The following GPA33 variants were observed in gnomAD, a reference collection of about 807,000 sequenced individuals.
GPA33 encodes the protein glycoprotein A33, also known as cell surface A33 antigen.
Under a neutral mutation model 35.6 loss-of-function variants are expected in GPA33, and 27 were observed. That is an observed-to-expected ratio of 0.76 (90% CI 0.56 to 1.04). The LOEUF is 1.04. GPA33 is among the 50% of genes least tolerant of loss of function. GPA33 has a pLI of 0.00. For missense variants in GPA33, 428 were observed against 411.9 expected (o/e 1.04, Z -0.34); for synonymous variants, 176 against 164.0 (o/e 1.07, Z -0.56).
rs1408021467 is a variant in GPA33 at position 167,053,239 on chromosome 1, G to A, written c.*1095C>T. 6.6e-6 allele frequency: 1 copy of A among 152,260 alleles called. No homozygotes were observed. The highest frequency in any genetic ancestry group is 2.4e-5 in the African/African-American group (1 of 41,464). The allele number at this position is 152,260 out of a possible 1,614,324, so 9.4% of individuals were successfully genotyped here. ...GGAGACATGCCAATTATTCTGGCCT[G>A]GAGAGGAATTACCAGGACACAAGAA... On this transcript the variant is annotated 3_prime_UTR_variant, in exon 7 of 7. Transcript: ENST00000367868.
intron 1 of GPA33, among the ~76,000 whole-genome samples, chr1:167,080,291 A>G (rs983261597): frequency 9.2e-5 from 14 of 152,226 alleles, no homozygotes; most frequent in African/African-American, 3.1e-4. Context: ...TAATGTATCA[A>G]TGTGTTAACC....
intron 1 of GPA33, among the ~76,000 whole-genome samples, chr1:167,081,754 G>C (rs1666954525): frequency 6.6e-6 from 1 of 152,168 alleles, no homozygotes; most frequent in Non-Finnish European, 1.5e-5. Context: ...GTTGATATGG[G>C]CTGTGCATCA....
chr1:167,067,293 T>C (rs1163903003), intron 3 of GPA33, among the ~76,000 whole-genome samples: 1 of 151,508 alleles, frequency 6.6e-6, no homozygotes, highest in Non-Finnish European at 1.5e-5. Context: ...TATTTATTTA[T>C]TTATTTATTT....
intron 1 of GPA33, among the ~76,000 whole-genome samples, chr1:167,077,988 G>C (rs1224868092): frequency 6.6e-6 from 1 of 152,212 alleles, no homozygotes; most frequent in Non-Finnish European, 1.5e-5. Context: ...AGAGCTGCTG[G>C]CAAGTCCTTC....
At chr1:167,063,103 G>A (rs968144235) in intron 4 of GPA33, among the ~76,000 whole-genome samples, 2 of 152,220 alleles carry the variant, frequency 1.3e-5, no homozygotes, top group Non-Finnish European at 1.5e-5. Context: ...TTTGTTTCTT[G>A]CCAGAACCTA....
At chr1:167,056,595 GTATGTGGTGTGTGTA>G (rs1666265616) in intron 4 of GPA33, among the ~76,000 whole-genome samples, 1 of 38,620 alleles carries the variant, frequency 2.6e-5, no homozygotes. Context: ...TGGTATGTGT[GTATGTGGTGTGTGTA>G]GTGTGTGTGG....
At chr1:167,085,929 G>A (rs1667038511) in intron 1 of GPA33, among the ~76,000 whole-genome samples, 1 of 152,204 alleles carries the variant, frequency 6.6e-6, no homozygotes, top group Non-Finnish European at 1.5e-5. Context: ...TCTGGATTCT[G>A]ACTCAGAAGG....
rs1271727118 is a variant in GPA33, at chr1:167,090,332, C to G, written c.-45G>C. ...CCTAAACCTAACCTGTCACTGGCAG[C>G]CTCCAGACAGGTCTGAGCTGTCTGG... On this transcript the variant is annotated 5_prime_UTR_variant, in exon 1 of 7. Transcript: ENST00000367868. The G allele has an allele frequency of 6.5e-7, 1 of 1,540,414 alleles. No homozygotes were observed. The highest frequency in any genetic ancestry group is 1.7e-5 in the Admixed American group (1 of 59,784).
At chr1:167,079,484 CAAA>C (rs59745946) in intron 1 of GPA33, among the ~76,000 whole-genome samples, 2 of 75,588 alleles carry the variant, frequency 2.6e-5, no homozygotes, top group Admixed American at 1.6e-4. Context: ...ACTCCGTCTC[CAAA>C]AAAAAAAAAA....
chr1:167,057,521 C>CCCTGGGATT (rs1666334908), intron 4 of GPA33, among the ~76,000 whole-genome samples: 1 of 152,162 alleles, frequency 6.6e-6, no homozygotes, highest in African/African-American at 2.4e-5. Context: ...GCCCAGCAAC[C>CCCTGGGATT]ACTAGACGTA....
At chr1:167,063,819 C>CA (rs1356240965) in intron 3 of GPA33, 82 bp from the exon 4 acceptor site, 21 of 1,028,734 alleles carry the variant, frequency 2.0e-5, no homozygotes, top group Non-Finnish European at 3.0e-5. Flanking sequence ...ACCCACCCCC[C>CA]ACACACATAT....
chr1:167,054,577 C>A (rs1454456569), intron 6 of GPA33, 111 bp from the exon 7 acceptor site: 5 of 1,327,476 alleles, frequency 3.8e-6, no homozygotes, highest in Non-Finnish European at 4.2e-6. Flanking sequence ...TCCTCCCCAC[C>A]CACCAGCTGC....
intron 4 of GPA33, among the ~76,000 whole-genome samples, chr1:167,059,722 A>T (rs1666391852): frequency 6.6e-6 from 1 of 152,036 alleles, no homozygotes; most frequent in South Asian, 2.1e-4. Context: ...GCTATTACAC[A>T]TGGGATCTCC....
At chr1:167,081,611 C>T (rs1666949249) in intron 1 of GPA33, among the ~76,000 whole-genome samples, 2 of 152,216 alleles carry the variant, frequency 1.3e-5, no homozygotes, top group Non-Finnish European at 2.9e-5. Context: ...TAGTGCAAGG[C>T]ACCAGAAAAA....
Position 167,068,916 on chromosome 1 carries a change from A to G in GPA33, c.415+6T>C, listed in dbSNP as rs977945987. 6.2e-7 allele frequency: 1 copy of G among 1,608,102 alleles called. No individual in the cohort carries two copies. The highest frequency in any genetic ancestry group is 8.5e-7 in the Non-Finnish European group (1 of 1,176,180). On this transcript the variant is annotated splice_donor_region_variant and intron_variant, in intron 3 of 6. Coordinates refer to ENST00000367868, the MANE Select transcript of GPA33 (RefSeq NM_005814.3). ...TACAACTCCTGAAAGACATGAAGACACTCACCGAGGACCAACAGGCGGACA... is the reference window on the plus strand; with the variant it reads ...TACAACTCCTGAAAGACATGAAGACGCTCACCGAGGACCAACAGGCGGACA...
chr1:167,074,744 G>C (rs1475900979), intron 1 of GPA33, among the ~76,000 whole-genome samples: 5 of 151,716 alleles, frequency 3.3e-5, no homozygotes, highest in African/African-American at 1.2e-4. Context: ...GTAGTGGGAG[G>C]GAAGTGAGTG....
chr1:167,065,444 A>G (rs1320784677), intron 3 of GPA33, among the ~76,000 whole-genome samples: 2 of 152,214 alleles, frequency 1.3e-5, no homozygotes, highest in Admixed American at 1.3e-4. Flanking sequence ...GGGAGGACAC[A>G]CAGTGGAGAG....
chr1:167,074,618 C>T (rs1334229112), intron 1 of GPA33, among the ~76,000 whole-genome samples: 1 of 152,142 alleles, frequency 6.6e-6, no homozygotes, highest in East Asian at 1.9e-4. Context: ...ATGCTTGGCA[C>T]AGAGACCCAT....
chr1:167,056,910 GGT>G (rs1233473579), intron 4 of GPA33, among the ~76,000 whole-genome samples: 5 of 146,090 alleles, frequency 3.4e-5, no homozygotes, highest in Admixed American at 6.8e-5. Context: ...TGCTGCATGT[GGT>G]GTGTGTGGTG....
Sources: allele counts gnomAD v4.1 joint callset (sites outside exome capture counted in the v4.1 genomes callset), GRCh38; gene constraint gnomAD v4.1.1; transcripts MANE v1.5; gene names NCBI Gene and HGNC (gene_info 2026-07-23, HGNC 2026-07-21).